Variants in PTP4A1 observed in about 807,000 individuals in gnomAD.
The protein encoded by PTP4A1 is protein tyrosine phosphatase 4A1.
PTP4A1 carries 9 observed loss-of-function variants against 20.5 expected under a neutral mutation model. The ratio of observed to expected loss-of-function variants is 0.44; its 90% CI spans 0.26 to 0.77. The LOEUF is 0.77. PTP4A1 is among the 30% of genes least tolerant of loss of function. The pLI, the probability that PTP4A1 is intolerant of heterozygous loss-of-function variation, is 0.19. For synonymous variants in PTP4A1, 78 were observed against 67.4 expected (o/e 1.16, Z -0.77); for missense variants, 137 against 218.8 (o/e 0.63, Z 2.36).
intron 2 of PTP4A1, among the ~76,000 whole-genome samples, chr6:63,532,081 G>T (rs1775498093): frequency 6.6e-6 from 1 of 152,160 alleles, no homozygotes; most frequent in South Asian, 2.1e-4. Flanking sequence ...TTACAGGCGT[G>T]AGCCACCACG....
intron 2 of PTP4A1, 79 bp downstream of exon 2, chr6:63,577,064 C>T: frequency 8.6e-7 from 1 of 1,162,076 alleles, no homozygotes. Flanking sequence ...ATAAAAACTA[C>T]TTTGGAAAAA....
intron 2 of PTP4A1, chr6:63,549,239 T>C: frequency 2.7e-6 from 2 of 739,230 alleles, no homozygotes; most frequent in Non-Finnish European, 4.9e-6. Flanking sequence ...GAGCAGCTGT[T>C]TGGTGGTCCA....
At chr6:63,532,577 A>G (rs973359286) in intron 2 of PTP4A1, among the ~76,000 whole-genome samples, 1 of 152,188 alleles carries the variant, frequency 6.6e-6, no homozygotes, top group Non-Finnish European at 1.5e-5. Flanking sequence ...CACAAAAAAA[A>G]AATCTCCCCA....
At chr6:63,529,892 C>G (rs1775380194) in intron 2 of PTP4A1, among the ~76,000 whole-genome samples, 1 of 152,042 alleles carries the variant, frequency 6.6e-6, no homozygotes, top group African/African-American at 2.4e-5. Flanking sequence ...TCTGCAGTTA[C>G]CAGTAAGTTA....
At chr6:63,525,217 T>C (rs1775106628) in intron 1 of PTP4A1, among the ~76,000 whole-genome samples, 1 of 151,956 alleles carries the variant, frequency 6.6e-6, no homozygotes, top group South Asian at 2.1e-4. Context: ...TGGTGAATTG[T>C]GTGTCTGCAG....
intron 3 of PTP4A1, among the ~76,000 whole-genome samples, chr6:63,552,872 C>A (rs1344487524): frequency 6.6e-6 from 1 of 152,096 alleles, no homozygotes; most frequent in Non-Finnish European, 1.5e-5. Context: ...TCTGAGGGCT[C>A]TGTTCTGTAT....
intron 3 of PTP4A1, among the ~76,000 whole-genome samples, chr6:63,554,971 C>T (rs1039045819): frequency 6.6e-6 from 1 of 152,140 alleles, no homozygotes; most frequent in Non-Finnish European, 1.5e-5. Context: ...GCAGCAATGT[C>T]GGAAGTTCTG....
intron 2 of PTP4A1, among the ~76,000 whole-genome samples, chr6:63,531,657 T>C (rs1775471867): frequency 6.6e-6 from 1 of 151,792 alleles, no homozygotes; most frequent in East Asian, 1.9e-4. Flanking sequence ...GCTTGATCAA[T>C]ATTTCATACT....
chr6:63,569,946 C>G (rs1013533010), upstream of PTP4A1, among the ~76,000 whole-genome samples: 13 of 152,194 alleles, frequency 8.5e-5, no homozygotes, highest in African/African-American at 3.1e-4. Context: ...TACTGTTCTC[C>G]AAGAATCTGC....
intron 3 of PTP4A1, among the ~76,000 whole-genome samples, chr6:63,558,259 TGGAA>T (rs754655496): frequency 1.3e-4 from 19 of 151,174 alleles, no homozygotes; most frequent in Admixed American, 5.9e-4. Context: ...GAAAATATTG[TGGAA>T]GGAAGTAAAA....
intron 3 of PTP4A1, among the ~76,000 whole-genome samples, chr6:63,552,459 A>C (rs1045822657): frequency 6.6e-6 from 1 of 152,094 alleles, no homozygotes; most frequent in Non-Finnish European, 1.5e-5. Flanking sequence ...AGTAGGTTGC[A>C]AAAATTTTCT....
chr6:63,578,422 G>A lies in PTP4A1; in HGVS notation c.106-15G>A. 6.3e-7 allele frequency: 1 copy of A among 1,595,472 alleles called. No individual in the cohort carries two copies. The highest frequency in any genetic ancestry group is 8.5e-7 in the Non-Finnish European group (1 of 1,174,962). On this transcript the variant is annotated splice_polypyrimidine_tract_variant and intron_variant, in intron 2 of 5. Transcript: ENST00000626021. ...GGTTAAACATTAAGATTTTTTTAAT[G>A]TACGTTTTATCCAGGAACTTAAGAA... is the stretch of plus-strand genomic sequence containing the variant.
At chr6:63,541,635 A>G (rs140681906) in intron 2 of PTP4A1, among the ~76,000 whole-genome samples, 67 of 152,246 alleles carry the variant, frequency 4.4e-4, no homozygotes, top group Non-Finnish European at 8.8e-4. Context: ...GCATTCATCT[A>G]TCACCCCTTG....
chr6:63,533,364 A>G (rs1775559813), intron 2 of PTP4A1, among the ~76,000 whole-genome samples: 1 of 152,228 alleles, frequency 6.6e-6, no homozygotes, highest in Non-Finnish European at 1.5e-5. Context: ...CCTGGGCCAC[A>G]GAGCAAGACT....
intron 3 of PTP4A1, among the ~76,000 whole-genome samples, chr6:63,564,131 C>T (rs959121812): frequency 3.3e-5 from 5 of 152,020 alleles, no homozygotes; most frequent in South Asian, 2.1e-4. Flanking sequence ...AAAAATTAGC[C>T]GGGTGTGGTG....
rs1256135014 is a variant in PTP4A1, at chr6:63,578,547, C to A, written c.198+18C>A. ...ATGTTCTTGTAAGTATTTAACAGTTCTTATGGGTTTATGGTGCTGTGCTAC... is the reference window on the plus strand; with the variant it reads ...ATGTTCTTGTAAGTATTTAACAGTTATTATGGGTTTATGGTGCTGTGCTAC... On this transcript the variant is annotated intron_variant, in intron 3 of 5. Transcript: ENST00000626021. The A allele has an allele frequency of 2.5e-6, 4 of 1,605,790 alleles. No individual in the cohort carries two copies. The highest frequency in any genetic ancestry group is 2.2e-5 in the South Asian group (2 of 89,434).
chr6:63,540,383 G>A (rs990838549), intron 2 of PTP4A1, among the ~76,000 whole-genome samples: 5 of 152,168 alleles, frequency 3.3e-5, no homozygotes, highest in African/African-American at 1.2e-4. Context: ...CACTTTGGGA[G>A]GCTGAGGCAG....
At chr6:63,529,033 G>A (rs1420531850) in intron 2 of PTP4A1, among the ~76,000 whole-genome samples, 1 of 151,156 alleles carries the variant, frequency 6.6e-6, no homozygotes, top group Non-Finnish European at 1.5e-5. Context: ...AGGTTACAGT[G>A]AGCCGAGATT....
At chr6:63,565,819 T>C (rs528748838) in intron 3 of PTP4A1, among the ~76,000 whole-genome samples, 55 of 152,382 alleles carry the variant, frequency 3.6e-4, no homozygotes, top group African/African-American at 1.1e-3. Context: ...CAAAAGACTT[T>C]TGATAAATCT....
Sources: allele counts gnomAD v4.1 joint callset (sites outside exome capture counted in the v4.1 genomes callset), GRCh38; gene constraint gnomAD v4.1.1; transcripts MANE v1.5; gene names NCBI Gene and HGNC (gene_info 2026-07-23, HGNC 2026-07-21).